TEAD1: variants seen among roughly 807,000 people sequenced by gnomAD.
TEAD1 encodes TEA domain transcription factor 1.
TEAD1 carries 9 observed loss-of-function variants against 54.9 expected under a neutral mutation model. The observed-to-expected ratio is 0.16, with a 90% CI of 0.10 to 0.29. The LOEUF is 0.29. TEAD1 is among the 10% of genes least tolerant of loss of function. The pLI is 1.00. For missense variants in TEAD1, 387 were observed against 535.9 expected (o/e 0.72, Z 2.74); for synonymous variants, 200 against 187.8 (o/e 1.07, Z -0.53).
chr11:12,889,088 G>T (rs557330628), intron 9 of TEAD1, among the ~76,000 whole-genome samples: 1 of 152,294 alleles, frequency 6.6e-6, no homozygotes, highest in East Asian at 1.9e-4. Flanking sequence ...AACAGCAGAG[G>T]GTGAAGAAAG....
At chr11:12,713,757 T>C (rs888219770) in intron 2 of TEAD1, among the ~76,000 whole-genome samples, 1 of 152,206 alleles carries the variant, frequency 6.6e-6, no homozygotes, top group African/African-American at 2.4e-5. Flanking sequence ...AGTGACCTCA[T>C]AGGACCTGGT....
rs774489106 is a variant in TEAD1 at position 12,883,061 on chromosome 11, G to T, written c.635G>T (p.Gly212Val). ...CCTGCCTGGCAAGGTCGCTCCATTG[G>T]CACAACCAAGCTTCGCCTGGTGGAA... The change falls in exon 9 of 13, where the codon GGC (glycine) becomes GTC (valine). Residue 212 changes from glycine (G) to valine (V), a missense_variant. Physicochemically the swap from Gly to Val is moderately radical, Grantham distance 109 (BLOSUM62 -3). Coordinates refer to ENST00000527636, the MANE Select transcript of TEAD1 (RefSeq NM_021961.6). The T allele has an allele frequency of 6.2e-7, 1 of 1,614,170 alleles. No individual in the cohort carries two copies. The highest frequency in any genetic ancestry group is 8.5e-7 in the Non-Finnish European group (1 of 1,180,036).
chr11:12,827,205 C>T (rs7929732), intron 3 of TEAD1, among the ~76,000 whole-genome samples: 2,064 of 152,220 alleles, frequency 0.014, 49 homozygotes, highest in African/African-American at 0.047. Flanking sequence ...TTTTGTTAGC[C>T]CTGAACTTAC....
chr11:12,921,877 T>A (rs1564991388), intron 10 of TEAD1, among the ~76,000 whole-genome samples: 1 of 152,166 alleles, frequency 6.6e-6, no homozygotes, highest in Non-Finnish European at 1.5e-5. Context: ...GCTGAGCTGC[T>A]CTTTTGTGGA....
intron 3 of TEAD1, among the ~76,000 whole-genome samples, chr11:12,765,833 C>T (rs1945196621): frequency 6.6e-6 from 1 of 152,160 alleles, no homozygotes; most frequent in African/African-American, 2.4e-5. Flanking sequence ...GATGAAATAT[C>T]TCAGCTACTA....
chr11:12,896,835 G>T (rs562522735), intron 9 of TEAD1, among the ~76,000 whole-genome samples: 1 of 152,322 alleles, frequency 6.6e-6, no homozygotes, highest in South Asian at 2.1e-4. Flanking sequence ...TTTGTTGTTA[G>T]CTCATGGATT....
intron 2 of TEAD1, among the ~76,000 whole-genome samples, chr11:12,738,749 A>G (rs564600699): frequency 6.6e-6 from 1 of 152,304 alleles, no homozygotes; most frequent in African/African-American, 2.4e-5. Flanking sequence ...ACAGCCTGGC[A>G]TGTGGGCTCT....
At chr11:12,712,365 A>G (rs1564914975) in intron 2 of TEAD1, among the ~76,000 whole-genome samples, 1 of 152,108 alleles carries the variant, frequency 6.6e-6, no homozygotes, top group Non-Finnish European at 1.5e-5. Context: ...AGAACCACTG[A>G]CATTTTATGT....
intron 3 of TEAD1, among the ~76,000 whole-genome samples, chr11:12,807,755 A>T (rs1946206609): frequency 6.6e-6 from 1 of 152,226 alleles, no homozygotes; most frequent in Non-Finnish European, 1.5e-5. Context: ...ACTGTGGATG[A>T]TGGGCCTTCT....
intron 2 of TEAD1, among the ~76,000 whole-genome samples, chr11:12,715,810 T>G (rs576610446): frequency 2.6e-5 from 4 of 152,286 alleles, no homozygotes; most frequent in East Asian, 1.9e-4. Context: ...ACTAATAAAT[T>G]AATTTGAATG....
intron 3 of TEAD1, among the ~76,000 whole-genome samples, chr11:12,802,256 A>C (rs1946074372): frequency 6.6e-6 from 1 of 152,206 alleles, no homozygotes; most frequent in African/African-American, 2.4e-5. Context: ...TTCATGTGAT[A>C]AGTCAGATTA....
At chr11:12,750,031 T>G (rs1944834750) in intron 2 of TEAD1, among the ~76,000 whole-genome samples, 1 of 152,182 alleles carries the variant, frequency 6.6e-6, no homozygotes, top group Non-Finnish European at 1.5e-5. Context: ...AAGATTATAT[T>G]TGTCGTTTAA....
At chr11:12,803,464 TA>T (rs1946104879) in intron 3 of TEAD1, among the ~76,000 whole-genome samples, 1 of 152,192 alleles carries the variant, frequency 6.6e-6, no homozygotes, top group Non-Finnish European at 1.5e-5. Flanking sequence ...GTTGGTAAAA[TA>T]GGAAAGGAAA....
At chr11:12,773,290 C>T (rs1206010889) in intron 3 of TEAD1, among the ~76,000 whole-genome samples, 1 of 152,168 alleles carries the variant, frequency 6.6e-6, no homozygotes, top group Non-Finnish European at 1.5e-5. Flanking sequence ...TAAATGCCCA[C>T]GAGTGTCATT....
chr11:12,929,931 G>A (rs1269326518), intron 11 of TEAD1, among the ~76,000 whole-genome samples: 3 of 152,076 alleles, frequency 2.0e-5, no homozygotes, highest in South Asian at 2.1e-4. Context: ...ATCTGTCAAC[G>A]CTTCTTAAAG....
intron 3 of TEAD1, among the ~76,000 whole-genome samples, chr11:12,801,842 AT>A (rs1372186935): frequency 3.3e-5 from 5 of 152,204 alleles, no homozygotes; most frequent in Non-Finnish European, 7.3e-5. Context: ...GGCTGTATTG[AT>A]TGGTGATTCT....
At chr11:12,679,603 A>G (rs1943173467) in intron 2 of TEAD1, among the ~76,000 whole-genome samples, 2 of 152,128 alleles carry the variant, frequency 1.3e-5, no homozygotes, top group African/African-American at 4.8e-5. Flanking sequence ...TTGAACTTAT[A>G]TTCTCTGGCA....
chr11:12,759,656 T>A (rs1366994543), intron 2 of TEAD1, among the ~76,000 whole-genome samples: 1 of 152,010 alleles, frequency 6.6e-6, no homozygotes, highest in East Asian at 1.9e-4. Flanking sequence ...AGGTCAGGAG[T>A]TCGAGACCAG....
chr11:12,886,225 AG>A (rs1948084021), intron 9 of TEAD1, among the ~76,000 whole-genome samples: 1 of 152,242 alleles, frequency 6.6e-6, no homozygotes, highest in South Asian at 2.1e-4. Context: ...TTGCTAGAGT[AG>A]AGGCCAGAGA....
Sources: allele counts gnomAD v4.1 joint callset (sites outside exome capture counted in the v4.1 genomes callset), GRCh38; gene constraint gnomAD v4.1.1; transcripts MANE v1.5; gene names NCBI Gene and HGNC (gene_info 2026-07-23, HGNC 2026-07-21).